PTPRD: variants seen among roughly 807,000 people sequenced by gnomAD.
The protein encoded by PTPRD is protein tyrosine phosphatase receptor type D.
In PTPRD, 34 loss-of-function variants were observed where a neutral mutation model predicts 214.5. The observed-to-expected ratio is 0.16, with a 90% CI of 0.12 to 0.21. The LOEUF is 0.21. Ranked by LOEUF, PTPRD falls within the 10% of genes least tolerant of loss-of-function variation. The pLI is 1.00. For synonymous variants in PTPRD, 1,128 were observed against 845.7 expected (o/e 1.33, Z -5.79); for missense variants, 2,545 against 2,398.7 (o/e 1.06, Z -1.27).
At chr9:10,130,511 T>C (rs2098857280) in intron 3 of PTPRD, among the ~76,000 whole-genome samples, 1 of 152,276 alleles carries the variant, frequency 6.6e-6, no homozygotes, top group South Asian at 2.1e-4. Flanking sequence ...CAAATATCAA[T>C]GTCTACCTCA....
At chr9:9,891,859 C>T (rs1014619982) in intron 5 of PTPRD, among the ~76,000 whole-genome samples, 2 of 152,094 alleles carry the variant, frequency 1.3e-5, no homozygotes, top group Non-Finnish European at 2.9e-5. Flanking sequence ...GTATTTTATA[C>T]ATAATTTCAG....
At chr9:8,975,886 A>G (rs2099265397) in intron 11 of PTPRD, among the ~76,000 whole-genome samples, 1 of 151,880 alleles carries the variant, frequency 6.6e-6, no homozygotes, top group Non-Finnish European at 1.5e-5. Context: ...TTATATCATG[A>G]CAGCATTTGT....
At chr9:9,752,367 A>G (rs376206058) in intron 6 of PTPRD, among the ~76,000 whole-genome samples, 3 of 152,036 alleles carry the variant, frequency 2.0e-5, no homozygotes, top group South Asian at 4.1e-4. Flanking sequence ...TACGTAAGAG[A>G]TAGTCTGTGA....
intron 10 of PTPRD, among the ~76,000 whole-genome samples, chr9:9,073,567 G>A (rs1475911182): frequency 6.6e-6 from 1 of 152,102 alleles, no homozygotes; most frequent in East Asian, 1.9e-4. Context: ...GGCCAAGACT[G>A]AGGTTTCCCC....
At chr9:8,398,027 C>A (rs1387991970) in intron 36 of PTPRD, among the ~76,000 whole-genome samples, 1 of 152,080 alleles carries the variant, frequency 6.6e-6, no homozygotes, top group Non-Finnish European at 1.5e-5. Flanking sequence ...TTTTCTTTTG[C>A]ATTACAGAGT....
intron 3 of PTPRD, among the ~76,000 whole-genome samples, chr9:10,131,504 T>A (rs1346535842): frequency 6.6e-6 from 1 of 152,130 alleles, no homozygotes; most frequent in Non-Finnish European, 1.5e-5. Flanking sequence ...GGAAAATAAA[T>A]GTAAAAATAT....
At chr9:8,877,838 C>T (rs1293401059) in intron 11 of PTPRD, among the ~76,000 whole-genome samples, 1 of 152,152 alleles carries the variant, frequency 6.6e-6, no homozygotes, top group African/African-American at 2.4e-5. Context: ...AGGCTCTTCT[C>T]AGACAATCCA....
At chr9:8,398,785 C>T (rs1218093364) in intron 36 of PTPRD, among the ~76,000 whole-genome samples, 1 of 152,152 alleles carries the variant, frequency 6.6e-6, no homozygotes, top group African/African-American at 2.4e-5. Flanking sequence ...CACCAGAAAG[C>T]AAGGCTGCTG....
intron 11 of PTPRD, among the ~76,000 whole-genome samples, chr9:9,015,457 A>G (rs535425814): frequency 6.6e-6 from 1 of 152,238 alleles, no homozygotes; most frequent in East Asian, 1.9e-4. Context: ...GTTACCCTAC[A>G]TTGTCTGAAA....
chr9:9,212,863 G>T (rs1449625050), intron 9 of PTPRD, among the ~76,000 whole-genome samples: 1 of 152,120 alleles, frequency 6.6e-6, no homozygotes, highest in Non-Finnish European at 1.5e-5. Flanking sequence ...TTAGGAGTTA[G>T]ATCTGGGTTT....
In PTPRD at chr9:8,420,237, G is replaced by C. The variant is rs376167550; in HGVS notation, c.4087-15577C>G. On this transcript the variant is annotated intron_variant, in intron 35 of 45. Coordinates refer to ENST00000381196, the MANE Select transcript of PTPRD (RefSeq NM_002839.4). ...GCATCATTTATTTTTGTACTGCAGA[G>C]TCTAGCAAAGTACCTGGCACATTGT... 1.0e-3 allele frequency among the ~76,000 whole-genome samples: 152 copies of C among 152,242 alleles called. No individual in the cohort carries two copies. The South Asian group carries it at 0.023, about 23-fold the overall frequency.
At chr9:8,946,359 G>C (rs566610090) in intron 11 of PTPRD, among the ~76,000 whole-genome samples, 1 of 152,198 alleles carries the variant, frequency 6.6e-6, no homozygotes, top group East Asian at 1.9e-4. Context: ...CAGTATATAG[G>C]TTTCGAGGGT....
intron 8 of PTPRD, among the ~76,000 whole-genome samples, chr9:9,416,632 C>T (rs1414050373): frequency 6.6e-6 from 1 of 152,086 alleles, no homozygotes; most frequent in East Asian, 1.9e-4. Context: ...CAAGGACGTG[C>T]TCTCCCTTTT....
intron 3 of PTPRD, among the ~76,000 whole-genome samples, chr9:10,106,645 A>G (rs942363603): frequency 6.6e-5 from 10 of 151,956 alleles, no homozygotes; most frequent in African/African-American, 2.2e-4. Flanking sequence ...TAGAATCAAC[A>G]TCATCAGAAG....
At chr9:9,647,716 C>T (rs952911846) in intron 7 of PTPRD, among the ~76,000 whole-genome samples, 1 of 152,166 alleles carries the variant, frequency 6.6e-6, no homozygotes, top group Admixed American at 6.5e-5. Context: ...CTTGTTCAGC[C>T]TTATTGTGAC....
intron 7 of PTPRD, among the ~76,000 whole-genome samples, chr9:9,677,262 G>C (rs2096952617): frequency 6.6e-6 from 1 of 151,966 alleles, no homozygotes. Context: ...ATGGTTTTAG[G>C]TCTAACATTT....
intron 11 of PTPRD, among the ~76,000 whole-genome samples, chr9:8,977,871 G>A (rs1235326448): frequency 2.0e-5 from 3 of 151,958 alleles, no homozygotes; most frequent in Non-Finnish European, 1.5e-5. Context: ...ATGGAAAAAC[G>A]TAATATAGCA....
At chr9:8,759,375 G>T (rs892962800) in intron 11 of PTPRD, among the ~76,000 whole-genome samples, 1 of 151,886 alleles carries the variant, frequency 6.6e-6, no homozygotes, top group South Asian at 2.1e-4. Context: ...TTGTAATTTT[G>T]ATCTCTATTG....
At chr9:10,564,624 T>A (rs2131657793) in intron 2 of PTPRD, among the ~76,000 whole-genome samples, 1 of 152,168 alleles carries the variant, frequency 6.6e-6, no homozygotes, top group Non-Finnish European at 1.5e-5. Flanking sequence ...CATGGCTAAC[T>A]GCAAGACTAA....
Sources: allele counts gnomAD v4.1 joint callset (sites outside exome capture counted in the v4.1 genomes callset), GRCh38; gene constraint gnomAD v4.1.1; transcripts MANE v1.5; gene names NCBI Gene and HGNC (gene_info 2026-07-23, HGNC 2026-07-21).